SCP2: variants seen among roughly 807,000 people sequenced by gnomAD.
SCP2 encodes the protein SCP-2/3-oxoacyl-CoA thiolase.
Under a neutral mutation model 71.4 loss-of-function variants are expected in SCP2, and 48 were observed. That is an observed-to-expected ratio of 0.67 (90% CI 0.53 to 0.86). The LOEUF is 0.86. Among genes scored for constraint, SCP2 ranks in the 40% least tolerant of loss-of-function variants. The pLI is 0.00. For missense variants in SCP2, 560 were observed against 655.6 expected, an observed-to-expected ratio of 0.85 and a Z score of 1.59; for synonymous variants, 220 against 218.1, an observed-to-expected ratio of 1.01 and a Z score of -0.08.
At chr1:53,031,808 T>C (rs1177497271) in intron 13 of SCP2, among the ~76,000 whole-genome samples, 1 of 152,258 alleles carries the variant, frequency 6.6e-6, no homozygotes, top group East Asian at 1.9e-4. Context: ...CAAGTGCAGA[T>C]TATTCTCTAT....
intron 11 of SCP2, among the ~76,000 whole-genome samples, chr1:53,004,897 T>C (rs1660532923): frequency 2.0e-5 from 3 of 152,128 alleles, no homozygotes; most frequent in Non-Finnish European, 4.4e-5. Flanking sequence ...TGACAGATGG[T>C]ACCTGGAAAA....
chr1:52,933,432 C>A (rs1242326), intron 1 of SCP2, among the ~76,000 whole-genome samples: 63,306 of 151,824 alleles, frequency 0.42, 15,635 homozygotes, highest in Non-Finnish European at 0.57. Context: ...AAATAAAAAT[C>A]AAAAATTAAG....
chr1:52,945,284 A>C (rs1198921431), intron 2 of SCP2, among the ~76,000 whole-genome samples: 1 of 152,122 alleles, frequency 6.6e-6, no homozygotes, highest in Non-Finnish European at 1.5e-5. Flanking sequence ...ACTCCACCTC[A>C]AACTCCTGGG....
chr1:53,008,985 A>G (rs898876382), intron 11 of SCP2, among the ~76,000 whole-genome samples: 2 of 152,180 alleles, frequency 1.3e-5, no homozygotes, highest in African/African-American at 2.4e-5. Context: ...ATACACCAAT[A>G]ACAGACAAAC....
At chr1:53,015,885 T>C (rs960265276) in intron 12 of SCP2, among the ~76,000 whole-genome samples, 1 of 152,218 alleles carries the variant, frequency 6.6e-6, no homozygotes, top group African/African-American at 2.4e-5. Context: ...TGAAATTGAA[T>C]AACTTTGTCT....
chr1:52,943,607 A>G (rs1654487611), intron 2 of SCP2: 2 of 415,304 alleles, frequency 4.8e-6, no homozygotes, highest in Non-Finnish European at 9.5e-6. Flanking sequence ...GATAGTGCAC[A>G]GGTTGGTGTC....
chr1:52,964,927 T>C (rs1314567926), intron 6 of SCP2, among the ~76,000 whole-genome samples: 1 of 152,062 alleles, frequency 6.6e-6, no homozygotes, highest in Non-Finnish European at 1.5e-5. Context: ...GGCAGGAGAA[T>C]TGCTTGAACC....
intron 11 of SCP2, among the ~76,000 whole-genome samples, chr1:53,009,290 T>A (rs1455867858): frequency 6.6e-6 from 1 of 152,032 alleles, no homozygotes; most frequent in Non-Finnish European, 1.5e-5. Flanking sequence ...AAAGTTAATA[T>A]GAAACCAAAA....
chr1:53,038,787 C>T, intron 13 of SCP2, 130 bp from the exon 14 acceptor site: 1 of 1,105,550 alleles, frequency 9.0e-7, no homozygotes, highest in Admixed American at 1.8e-5. Context: ...GGTAAAAGAT[C>T]ATAAGGGACC....
At chr1:52,961,994 C>T (rs945445438) in intron 6 of SCP2, among the ~76,000 whole-genome samples, 1 of 152,134 alleles carries the variant, frequency 6.6e-6, no homozygotes, top group Non-Finnish European at 1.5e-5. Flanking sequence ...TTCCATCTCC[C>T]AGGCTCAAGC....
At chr1:52,974,380 C>T (rs971446185) in intron 6 of SCP2, among the ~76,000 whole-genome samples, 1 of 151,862 alleles carries the variant, frequency 6.6e-6, no homozygotes, top group African/African-American at 2.4e-5. Flanking sequence ...CTTATCATGC[C>T]CTGGAGGGTG....
In SCP2 at chr1:52,960,712, A is replaced by ATGTGTG. The variant is rs1232835088; in HGVS notation, c.397-787_397-786insTGTGTG. On this transcript the variant is annotated intron_variant, in intron 5 of 15. Transcript: ENST00000371514. Reference sequence around the variant, plus strand: ...TATATGTGTGTTGTGTGTATATATTATGTGCGTGTGTGTGTGTGTGTGTGT... The same window carrying ATGTGTG: ...TATATGTGTGTTGTGTGTATATATTATGTGTGTGTGCGTGTGTGTGTGTGTGTGTGT... Among the ~76,000 whole-genome samples, 1,129 of 136,398 alleles carry ATGTGTG rather than the reference A, an allele frequency of 8.3e-3. 10 individuals are homozygous for ATGTGTG. Among genetic ancestry groups the ATGTGTG allele is most frequent in the African/African-American group, 0.031 (1,056 of 34,476 alleles). 89.5% of individuals were successfully genotyped at this position (136,398 alleles called of 152,430 possible).
intron 10 of SCP2, among the ~76,000 whole-genome samples, chr1:52,986,770 T>G (rs888704415): frequency 1.3e-5 from 2 of 151,488 alleles, no homozygotes; most frequent in African/African-American, 4.9e-5. Flanking sequence ...ATCTGTGGGG[T>G]TTTTTTTCTA....
intron 5 of SCP2, among the ~76,000 whole-genome samples, chr1:52,960,894 A>T (rs1328138668): frequency 6.6e-6 from 1 of 151,262 alleles, no homozygotes; most frequent in Non-Finnish European, 1.5e-5. Flanking sequence ...CTGGGACTGT[A>T]GGTGCATACC....
chr1:52,927,922 C>G (rs1652649144), intron 1 of SCP2, among the ~76,000 whole-genome samples: 1 of 152,230 alleles, frequency 6.6e-6, no homozygotes, highest in Admixed American at 6.5e-5. Context: ...CGGCCTCCCT[C>G]TGTCCCTCCA....
chr1:52,932,129 GA>G (rs1292249204), intron 1 of SCP2, among the ~76,000 whole-genome samples: 1 of 151,926 alleles, frequency 6.6e-6, no homozygotes, highest in Non-Finnish European at 1.5e-5. Flanking sequence ...ATGAGTTCTA[GA>G]AAAAGAACTG....
chr1:53,034,799 T>C (rs535747088), intron 13 of SCP2, among the ~76,000 whole-genome samples: 2 of 152,210 alleles, frequency 1.3e-5, no homozygotes, highest in East Asian at 3.9e-4. Context: ...CACTTAAGTC[T>C]TTCTTAAAAT....
At chr1:52,939,922 G>A (rs1333935728) in intron 1 of SCP2, among the ~76,000 whole-genome samples, 5 of 151,908 alleles carry the variant, frequency 3.3e-5, no homozygotes, top group African/African-American at 7.3e-5. Context: ...CACCCACCTC[G>A]GCTTCCTAAA....
chr1:53,009,998 A>G (rs2150222000), intron 11 of SCP2, among the ~76,000 whole-genome samples: 1 of 152,374 alleles, frequency 6.6e-6, no homozygotes, highest in African/African-American at 2.4e-5. Flanking sequence ...AAAAGAAGAT[A>G]TTTATGCAGC....
Sources: gnomAD v4.1 joint callset for allele counts (sites outside exome capture counted in the v4.1 genomes callset) on GRCh38, gnomAD v4.1.1 for gene constraint, MANE v1.5 for transcripts, NCBI Gene and HGNC (gene_info 2026-07-23, HGNC 2026-07-21) for gene names.